The following CAMK2D variants were observed in gnomAD, a reference collection of about 807,000 sequenced individuals.
CAMK2D encodes calcium/calmodulin dependent protein kinase II delta.
In CAMK2D, 37 loss-of-function variants were observed where a neutral mutation model predicts 84.0. That is an observed-to-expected ratio of 0.44 (90% CI 0.34 to 0.58). CAMK2D has a LOEUF of 0.58. CAMK2D is among the 20% of genes least tolerant of loss of function. The pLI is 0.02. For synonymous variants in CAMK2D, 202 were observed against 212.5 expected, an observed-to-expected ratio of 0.95 and a Z score of 0.43; for missense variants, 448 against 652.5, an observed-to-expected ratio of 0.69 and a Z score of 3.41.
chr4:113,463,624 C>T (rs1456492292), intron 17 of CAMK2D, among the ~76,000 whole-genome samples: 3 of 152,184 alleles, frequency 2.0e-5, no homozygotes, highest in African/African-American at 7.2e-5. Context: ...GATCTGCCTG[C>T]CTTGGCCTCC....
At chr4:113,516,717 C>T (rs1434542937) in intron 9 of CAMK2D, among the ~76,000 whole-genome samples, 1 of 152,152 alleles carries the variant, frequency 6.6e-6, no homozygotes, top group Non-Finnish European at 1.5e-5. Flanking sequence ...CTCACTTTCA[C>T]ATTGAGCTTT....
chr4:113,712,927 A>T (rs115694264), intron 2 of CAMK2D, among the ~76,000 whole-genome samples: 1 of 152,172 alleles, frequency 6.6e-6, no homozygotes, highest in Non-Finnish European at 1.5e-5. Context: ...ATGTATATCC[A>T]CAAATATGCA....
intron 6 of CAMK2D, among the ~76,000 whole-genome samples, chr4:113,543,929 C>G (rs1331731387): frequency 6.6e-6 from 1 of 151,904 alleles, no homozygotes; most frequent in African/African-American, 2.4e-5. Context: ...GTAGCTGGGA[C>G]TATAGGCGCC....
intron 8 of CAMK2D, among the ~76,000 whole-genome samples, chr4:113,524,037 T>G (rs374568369): frequency 2.0e-4 from 30 of 152,112 alleles, no homozygotes; most frequent in Middle Eastern, 3.4e-3. Flanking sequence ...GCCCGGCTAA[T>G]TTTTTCTGTT....
At chr4:113,472,935 G>T (rs931595910) in intron 16 of CAMK2D, among the ~76,000 whole-genome samples, 3 of 152,148 alleles carry the variant, frequency 2.0e-5, no homozygotes, top group African/African-American at 7.2e-5. Flanking sequence ...AGACTTGAAG[G>T]ACAAGGAGGT....
intron 16 of CAMK2D, among the ~76,000 whole-genome samples, chr4:113,469,766 A>G (rs898084005): frequency 2.6e-5 from 4 of 152,204 alleles, no homozygotes; most frequent in African/African-American, 4.8e-5. Flanking sequence ...TCTCAGTTGC[A>G]TAAGCCAGAA....
Position 113,680,202 on chromosome 4 carries a change from C to T in CAMK2D, c.161-18430G>A, listed in dbSNP as rs150904588. 3.9e-5 allele frequency among the ~76,000 whole-genome samples: 6 copies of T among 152,122 alleles called. No individual in the cohort carries two copies. The East Asian group carries it at 9.7e-4, about 24-fold the overall frequency. On this transcript the variant is annotated intron_variant, in intron 2 of 20. Transcript: ENST00000511664. ...GCAGATGCTGAGATGGCTTATAGGG[C>T]GTAAGATATTTACATAGAAGACCTG... is the stretch of plus-strand genomic sequence containing the variant.
chr4:113,684,602 A>T (rs993876593), intron 2 of CAMK2D, among the ~76,000 whole-genome samples: 2 of 152,144 alleles, frequency 1.3e-5, no homozygotes, highest in African/African-American at 4.8e-5. Context: ...GTCTAGTCAC[A>T]CTCTGAGATA....
At chr4:113,736,517 G>C (rs758964031) in intron 2 of CAMK2D, among the ~76,000 whole-genome samples, 3 of 152,160 alleles carry the variant, frequency 2.0e-5, no homozygotes, top group Non-Finnish European at 4.4e-5. Flanking sequence ...AACAAAGGAA[G>C]AAGCGGATAA....
At chr4:113,709,782 T>TATATATATATATATATAA (rs1561971636) in intron 2 of CAMK2D, among the ~76,000 whole-genome samples, 4 of 127,274 alleles carry the variant, frequency 3.1e-5, no homozygotes, top group Admixed American at 8.2e-5. Context: ...TATATATATA[T>TATATATATATATATATAA]GAGAGACTTC....
chr4:113,556,980 A>G (rs2098669315), intron 4 of CAMK2D, among the ~76,000 whole-genome samples: 1 of 152,102 alleles, frequency 6.6e-6, no homozygotes, highest in South Asian at 2.1e-4. Context: ...CCACTTCATG[A>G]TTTTCTGGTT....
At chr4:113,617,657 CA>C (rs2099026918) in intron 3 of CAMK2D, among the ~76,000 whole-genome samples, 2 of 151,942 alleles carry the variant, frequency 1.3e-5, no homozygotes, top group African/African-American at 2.4e-5. Flanking sequence ...TAAGGAAAAA[CA>C]GAACAATTTT....
At chr4:113,502,739 T>A (rs2154152025) in intron 15 of CAMK2D, among the ~76,000 whole-genome samples, 197 bp downstream of exon 15, 1 of 152,296 alleles carries the variant, frequency 6.6e-6, no homozygotes, top group East Asian at 1.9e-4. Flanking sequence ...AACATTAGTT[T>A]CTCTTTCAAG....
chr4:113,604,539 A>G (rs1376950115), intron 4 of CAMK2D, among the ~76,000 whole-genome samples: 3 of 152,206 alleles, frequency 2.0e-5, no homozygotes, highest in African/African-American at 7.2e-5. Flanking sequence ...TAAATACTAA[A>G]GAATAATTGC....
chr4:113,537,447 T>C lies in CAMK2D; in HGVS notation c.415-4A>G, dbSNP rs2098501027. 3 of 1,562,864 alleles carry C rather than the reference T, an allele frequency of 1.9e-6. No individual in the cohort carries two copies. The highest frequency in any genetic ancestry group is 2.6e-6 in the Non-Finnish European group (3 of 1,137,288). ...TAGCTAAAAGCAAATTCTCAGGCTT[T>C]ATTTAGAAAGAAAAAAAAAGAGACT... is the stretch of plus-strand genomic sequence containing the variant. On this transcript the variant is annotated splice_polypyrimidine_tract_variant and splice_region_variant and intron_variant, in intron 6 of 20. Coordinates refer to ENST00000511664, the MANE Select transcript of CAMK2D (RefSeq NM_001321571.2).
chr4:113,738,705 A>T (rs934829294), intron 2 of CAMK2D, among the ~76,000 whole-genome samples: 2 of 152,124 alleles, frequency 1.3e-5, no homozygotes, highest in African/African-American at 4.8e-5. Flanking sequence ...ATTAGTATAT[A>T]TTCACCATTC....
At chr4:113,598,184 C>A (rs78562781) in intron 4 of CAMK2D, among the ~76,000 whole-genome samples, 39 of 152,160 alleles carry the variant, frequency 2.6e-4, no homozygotes, top group Non-Finnish European at 2.9e-5. Context: ...AAAGAACAAA[C>A]AAAGAGATCA....
chr4:113,664,957 C>T (rs2099251974), intron 2 of CAMK2D, among the ~76,000 whole-genome samples: 1 of 152,228 alleles, frequency 6.6e-6, no homozygotes, highest in Non-Finnish European at 1.5e-5. Context: ...GCACCTGCCA[C>T]CATGCCCAGC....
At chr4:113,638,023 C>T (rs185261609) in intron 3 of CAMK2D, among the ~76,000 whole-genome samples, 3 of 152,296 alleles carry the variant, frequency 2.0e-5, no homozygotes, top group Admixed American at 2.0e-4. Flanking sequence ...TGGTATTACA[C>T]ATCCACTCAT....
Sources: gnomAD v4.1 joint callset for allele counts (sites outside exome capture counted in the v4.1 genomes callset) on GRCh38, gnomAD v4.1.1 for gene constraint, MANE v1.5 for transcripts, NCBI Gene and HGNC (gene_info 2026-07-23, HGNC 2026-07-21) for gene names.